The following FGF13 variants were observed in gnomAD, a reference collection of about 807,000 sequenced individuals.
FGF13 encodes the protein fibroblast growth factor 13.
Under a neutral mutation model 19.5 loss-of-function variants are expected in FGF13, and 2 were observed. The ratio of observed to expected loss-of-function variants is 0.10; its 90% CI spans 0.04 to 0.32. The LOEUF is 0.32. Among genes scored for constraint, FGF13 ranks in the 10% least tolerant of loss-of-function variants. The pLI is 1.00. For missense variants in FGF13, 113 were observed against 192.7 expected (o/e 0.59, Z 2.45); for synonymous variants, 72 against 76.9 (o/e 0.94, Z 0.33).
At chrX:139,068,108 T>C (rs1359072145) in intron 1 of FGF13, among the ~76,000 whole-genome samples, 2 of 95,403 alleles carry the variant, frequency 2.1e-5, no homozygotes, top group Non-Finnish European at 4.1e-5. Flanking sequence ...CTAGGGTTTT[T>C]ATGGTTTTAG....
intron 1 of FGF13, among the ~76,000 whole-genome samples, chrX:138,891,141 A>T (rs1569418934): frequency 1.8e-5 from 2 of 111,143 alleles, no homozygotes; most frequent in East Asian, 2.9e-4. Context: ...AATACAAAAA[A>T]ATTTGTGGTG....
intron 1 of FGF13, among the ~76,000 whole-genome samples, chrX:139,202,519 G>A (rs2148284689): frequency 1.8e-5 from 2 of 111,698 alleles, no homozygotes; most frequent in East Asian, 5.6e-4. Flanking sequence ...AGCCAGACCG[G>A]GGGCAACAAT....
chrX:139,098,258 C>A lies in FGF13; in HGVS notation c.-113+105158G>T, dbSNP rs111306294. Among the ~76,000 whole-genome samples, 1,045 of 111,538 alleles carry A rather than the reference C, an allele frequency of 9.4e-3. 20 individuals carry two copies. The highest frequency in any genetic ancestry group is 0.032 in the African/African-American group (990 of 30,708). On this transcript the variant is annotated intron_variant, in intron 1 of 2. Transcript: ENST00000421460. ...AGCGAGAGGGATCTGAATAGGGTAGCACATCTGTTTTGTTTTGTTTTTTGA... is the reference window on the plus strand; with the variant it reads ...AGCGAGAGGGATCTGAATAGGGTAGAACATCTGTTTTGTTTTGTTTTTTGA...
At chrX:138,808,880 C>A (rs911332306) in intron 3 of FGF13, among the ~76,000 whole-genome samples, 1 of 111,562 alleles carries the variant, frequency 9.0e-6, no homozygotes, top group African/African-American at 3.3e-5. Flanking sequence ...ATACACCATC[C>A]CAAGACTAAA....
chrX:138,777,969 A>T (rs1407899133), intron 3 of FGF13, among the ~76,000 whole-genome samples: 1 of 112,036 alleles, frequency 8.9e-6, no homozygotes, highest in Non-Finnish European at 1.9e-5. Context: ...TGTTAGCATT[A>T]CCTGATTGAT....
intron 3 of FGF13, among the ~76,000 whole-genome samples, chrX:138,792,681 G>A (rs891659477): frequency 5.4e-5 from 6 of 111,694 alleles, no homozygotes; most frequent in African/African-American, 2.0e-4. Flanking sequence ...AGAATCTGGA[G>A]ACTGATGGGG....
intron 2 of FGF13, among the ~76,000 whole-genome samples, chrX:138,861,091 G>A (rs1410148800): frequency 8.9e-6 from 1 of 112,478 alleles, no homozygotes; most frequent in Non-Finnish European, 1.9e-5. Context: ...CATTGCAAAT[G>A]TTTTTCCATT....
chrX:138,796,521 G>A (rs5976208), intron 3 of FGF13, among the ~76,000 whole-genome samples: 3,705 of 111,647 alleles, frequency 0.033, 122 homozygotes, highest in African/African-American at 0.097. Flanking sequence ...AAATAGTTCC[G>A]TGATAAACAT....
At chrX:138,640,798 A>G (rs1429651922) in intron 3 of FGF13, among the ~76,000 whole-genome samples, 1 of 111,728 alleles carries the variant, frequency 9.0e-6, no homozygotes, top group Non-Finnish European at 1.9e-5. Context: ...CAGGTTTTTC[A>G]TACTTTTTTT....
chrX:138,990,625 C>T (rs2092011653), intron 1 of FGF13: 1 of 110,734 alleles, frequency 9.0e-6, no homozygotes, highest in Admixed American at 9.7e-5. Flanking sequence ...CTCCTGTTTT[C>T]GAAACCATCA....
chrX:138,690,278 T>C (rs1174574287), intron 3 of FGF13, among the ~76,000 whole-genome samples: 9 of 111,635 alleles, frequency 8.1e-5, no homozygotes, highest in Middle Eastern at 4.6e-3. Flanking sequence ...ATAAGCACTT[T>C]CTGTTCCTCA....
intron 1 of FGF13, among the ~76,000 whole-genome samples, chrX:139,154,989 G>T (rs1369239775): frequency 2.7e-5 from 3 of 111,680 alleles, no homozygotes; most frequent in Non-Finnish European, 5.6e-5. Context: ...TTGAGGCTCA[G>T]AGAAGTTAAG....
At chrX:138,701,854 G>A (rs1225215977) in intron 3 of FGF13, among the ~76,000 whole-genome samples, 1 of 112,529 alleles carries the variant, frequency 8.9e-6, no homozygotes, top group Non-Finnish European at 1.9e-5. Context: ...GAAGTTTGAG[G>A]AACAGATTTT....
intron 3 of FGF13, among the ~76,000 whole-genome samples, chrX:138,638,562 G>A (rs2089208890): frequency 9.0e-6 from 1 of 111,685 alleles, no homozygotes; most frequent in African/African-American, 3.3e-5. Flanking sequence ...AGATGGTAGG[G>A]AACTTGTCTT....
intron 1 of FGF13, among the ~76,000 whole-genome samples, chrX:138,935,347 C>A (rs1303105748): frequency 8.9e-6 from 1 of 111,985 alleles, no homozygotes; most frequent in Non-Finnish European, 1.9e-5. Context: ...CACTAGTTTC[C>A]TGGAGAGCGG....
At chrX:138,730,443 G>C (rs1205465220) in intron 1 of FGF13, among the ~76,000 whole-genome samples, 10 of 111,697 alleles carry the variant, frequency 9.0e-5, no homozygotes, top group Admixed American at 8.6e-4. Context: ...AGCACATACA[G>C]AATAAAATAT....
intron 1 of FGF13, among the ~76,000 whole-genome samples, chrX:139,171,271 C>T (rs1427623973): frequency 8.9e-6 from 1 of 112,133 alleles, no homozygotes; most frequent in East Asian, 2.8e-4. Context: ...AAAGAAGAAT[C>T]CGTATTAGAA....
chrX:138,656,807 G>A (rs968873559), intron 3 of FGF13, among the ~76,000 whole-genome samples: 10 of 111,475 alleles, frequency 9.0e-5, no homozygotes, highest in Non-Finnish European at 1.7e-4. Flanking sequence ...ACAAATGGCA[G>A]GCAGACTCCT....
intron 1 of FGF13, among the ~76,000 whole-genome samples, chrX:139,006,018 A>C (rs755220101): frequency 2.7e-5 from 3 of 111,295 alleles, no homozygotes; most frequent in Admixed American, 9.6e-5. Flanking sequence ...AAGTTTATTC[A>C]AAGGGATAAA....
Sources: allele counts gnomAD v4.1 joint callset (sites outside exome capture counted in the v4.1 genomes callset), GRCh38; gene constraint gnomAD v4.1.1; transcripts MANE v1.5; gene names NCBI Gene and HGNC (gene_info 2026-07-23, HGNC 2026-07-21).